The following IFT140 variants were observed in gnomAD, a reference collection of about 807,000 sequenced individuals.
IFT140 encodes the protein intraflagellar transport 140.
In IFT140, 133 loss-of-function variants were observed where a neutral mutation model predicts 164.6. That is an observed-to-expected ratio of 0.81 (90% CI 0.70 to 0.93). The LOEUF is 0.93. IFT140 is among the 40% of genes least tolerant of loss of function. IFT140 has a pLI of 0.00. For missense variants in IFT140, 2,045 were observed against 1,972.3 expected, an observed-to-expected ratio of 1.04 and a Z score of -0.70; for synonymous variants, 860 against 817.3, an observed-to-expected ratio of 1.05 and a Z score of -0.89.
At chr16:1,606,805 T>C (rs777824630) in intron 3 of IFT140, among the ~76,000 whole-genome samples, 8 of 151,880 alleles carry the variant, frequency 5.3e-5, no homozygotes, top group Non-Finnish European at 8.8e-5. Context: ...TAGAGTTCGT[T>C]TGAAAATACA....
chr16:1,519,518 C>T (rs576402466), intron 29 of IFT140, among the ~76,000 whole-genome samples: 70 of 152,202 alleles, frequency 4.6e-4, no homozygotes, highest in African/African-American at 1.7e-3. Flanking sequence ...TCACCATGGT[C>T]CCCCAACCCC....
chr16:1,576,012 G>A (rs991233980), intron 13 of IFT140, among the ~76,000 whole-genome samples: 6 of 152,240 alleles, frequency 3.9e-5, no homozygotes, highest in East Asian at 1.9e-4. Flanking sequence ...AAGGCCAGGC[G>A]CAGTGGCTCA....
Position 1,564,138 on chromosome 16 carries a change from TCC to T in IFT140, c.1924_1925del (p.Gly642ThrfsTer15). 6.3e-7 allele frequency: 1 copy of T among 1,583,428 alleles called. No individual in the cohort carries two copies. The highest frequency in any genetic ancestry group is 2.3e-5 in the East Asian group (1 of 43,618). Reference sequence around the variant, plus strand: ...GGTTCACGGGAACATAATTTTTCAGTCCCTCATCCACAAAGAGGTGGCTCCTA... The same window carrying T: ...GGTTCACGGGAACATAATTTTTCAGTCTCATCCACAAAGAGGTGGCTCCTA... ...TNKSHLFVDEGLKNYVPVNHF... is the reference protein window; with the variant it reads ...TNKSHLFVDEXLKNYVPVNHF... On this transcript the variant is annotated frameshift_variant, in exon 17 of 31. Coordinates refer to ENST00000426508, the MANE Select transcript of IFT140 (RefSeq NM_014714.4). LOFTEE classifies it high-confidence loss of function. This position sits in a 1 kb window ranked among gnomAD's most constrained non-coding sequence, Gnocchi z 5.5.
chr16:1,608,926 C>T (rs539138794), intron 2 of IFT140, among the ~76,000 whole-genome samples: 10 of 151,994 alleles, frequency 6.6e-5, no homozygotes, highest in South Asian at 4.2e-4. Context: ...GAGGCCGAGG[C>T]GGGTGGATCA....
rs2040642839 is a variant in IFT140, at chr16:1,525,031, G to A, written c.2865-115C>T. On this transcript the variant is annotated intron_variant, in intron 22 of 30. Transcript: ENST00000426508. Reference sequence around the variant, plus strand: ...TGCATGTCACCTGACCTGCAAACAGGCTGGGCCAAGAGTGAGGACCCCTGG... The same window carrying A: ...TGCATGTCACCTGACCTGCAAACAGACTGGGCCAAGAGTGAGGACCCCTGG... 2.1e-6 allele frequency: 3 copies of A among 1,432,634 alleles called. No individual in the cohort carries two copies. The African/African-American group carries it at 4.2e-5, about 20-fold the overall frequency. 88.7% of individuals were successfully genotyped at this position (1,432,634 alleles called of 1,614,324 possible). A position where few individuals can be genotyped will look rare whatever the true frequency, so the allele number is the denominator to read the frequency against.
At position 1,583,447 on chromosome 16, in the gene IFT140, C is replaced by T. The variant is rs956371683; in HGVS notation, c.1360-61G>A. On this transcript the variant is annotated intron_variant, in intron 11 of 30. Coordinates refer to ENST00000426508, the MANE Select transcript of IFT140 (RefSeq NM_014714.4). ...GGAAAAGTGAGGTGCAACTGTACAC[C>T]CCACTGCACACCTCGAAAGCCTCCT... The T allele has an allele frequency of 3.6e-5, 50 of 1,374,084 alleles. No individual in the cohort carries two copies. The East Asian group carries it at 1.1e-3, about 31-fold the overall frequency. 85.1% of individuals were successfully genotyped at this position (1,374,084 alleles called of 1,614,324 possible). A position where few individuals can be genotyped will look rare whatever the true frequency, so the allele number is the denominator to read the frequency against.
At chr16:1,610,993 C>A (rs1323076057) in intron 1 of IFT140, 140 bp from the exon 2 acceptor site, 3 of 152,438 alleles carry the variant, frequency 2.0e-5, no homozygotes, top group East Asian at 1.9e-4. Context: ...GTGTTCCCTT[C>A]CCGTGCATCC....
At chr16:1,530,758 G>A (rs941050701) in intron 19 of IFT140, 3 of 152,346 alleles carry the variant, frequency 2.0e-5, no homozygotes, top group African/African-American at 7.2e-5. Context: ...GCCGGCCCTG[G>A]TTTTGCTCTG....
chr16:1,557,635 T>C, intron 19 of IFT140: 1 of 337,734 alleles, frequency 3.0e-6, no homozygotes, highest in Non-Finnish European at 5.4e-6. Flanking sequence ...CAAACTTCTG[T>C]TTAGGAGCAA....
At position 1,510,765 on chromosome 16, in the gene IFT140, G is replaced by C; in HGVS notation, c.*179C>G. 3.2e-6 allele frequency: 2 copies of C among 630,768 alleles called. No homozygotes were observed. The highest frequency in any genetic ancestry group is 3.7e-5 in the South Asian group (2 of 53,374). The allele number at this position is 630,768 out of a possible 1,614,324, so 39.1% of individuals were successfully genotyped here. A position where few individuals can be genotyped will look rare whatever the true frequency, so the allele number is the denominator to read the frequency against. Reference sequence around the variant, plus strand: ...CCCAGAGGCAGGTGGGACAGAGCAAGGTGCAGACGGGTCACACCCTCCGCC... The same window carrying C: ...CCCAGAGGCAGGTGGGACAGAGCAACGTGCAGACGGGTCACACCCTCCGCC... On this transcript the variant is annotated 3_prime_UTR_variant, in exon 31 of 31. Coordinates refer to ENST00000426508, the MANE Select transcript of IFT140 (RefSeq NM_014714.4).
chr16:1,607,685 C>G (rs978304670), intron 2 of IFT140, among the ~76,000 whole-genome samples: 2 of 152,196 alleles, frequency 1.3e-5, no homozygotes, highest in Non-Finnish European at 2.9e-5. Context: ...GCTCTGTCAC[C>G]CAGGCTGGAG....
chr16:1,578,264 C>G (rs1028866070), intron 13 of IFT140: 1 of 152,068 alleles, frequency 6.6e-6, no homozygotes, highest in African/African-American at 2.4e-5. Context: ...AATTGACAAT[C>G]CATGATGGGA....
chr16:1,566,094 G>C lies in IFT140; in HGVS notation c.1901+67C>G, dbSNP rs888661145. On this transcript the variant is annotated intron_variant, in intron 16 of 30. Coordinates refer to ENST00000426508, the MANE Select transcript of IFT140 (RefSeq NM_014714.4). ...AGGCGCGTTAACTTAGCAACAACCC[G>C]CCCAGAAGCCGAGAAGTAACTGAAC... 3.9e-6 allele frequency: 6 copies of C among 1,550,400 alleles called. No individual in the cohort carries two copies. The East Asian group carries it at 1.4e-4, about 35-fold the overall frequency.
chr16:1,548,719 C>G lies in IFT140; in HGVS notation c.2399+9216G>C, dbSNP rs145629086. 9.7e-4 allele frequency among the ~76,000 whole-genome samples: 148 copies of G among 152,302 alleles called. No homozygotes were observed. In the Middle Eastern group the frequency reaches 0.01, roughly 11 times the overall value. On this transcript the variant is annotated intron_variant, in intron 19 of 30. Coordinates refer to ENST00000426508, the MANE Select transcript of IFT140 (RefSeq NM_014714.4). ...TCCTTCCACCCCTTCCCATCTCCCC[C>G]ACGTAGGGAAGGTGGGAAGGACAGA...
chr16:1,576,354 G>C (rs1461941651), intron 13 of IFT140, among the ~76,000 whole-genome samples: 1 of 151,420 alleles, frequency 6.6e-6, no homozygotes, highest in Non-Finnish European at 1.5e-5. Context: ...CACTTTGGGA[G>C]GCCGAGGCGG....
rs2034979995 is a variant in IFT140, at chr16:1,587,994, C to A, written c.841G>T (p.Ala281Ser). 8 of 1,613,850 alleles carry A rather than the reference C, an allele frequency of 5.0e-6. No homozygotes were observed. In the East Asian group the frequency reaches 1.8e-4, roughly 36 times the overall value. Residue 281 changes from alanine to serine, a missense_variant, in exon 8 of 31, where the codon GCA (alanine) becomes TCA (serine). Coordinates refer to ENST00000426508, the MANE Select transcript of IFT140 (RefSeq NM_014714.4). Reference sequence around the variant, plus strand: ...CTGCCTTCAATCAAAGCGATGTCTGCCCGGCGGCCGGTTTTCCCGCTCAGC... The same window carrying A: ...CTGCCTTCAATCAAAGCGATGTCTGACCGGCGGCCGGTTTTCCCGCTCAGC... ...VKLSGKTGRRADIALIEGSLL... is the reference protein window; with the variant it reads ...VKLSGKTGRRSDIALIEGSLL...
intron 17 of IFT140, among the ~76,000 whole-genome samples, chr16:1,562,385 T>A (rs942734370): frequency 3.3e-5 from 5 of 152,174 alleles, no homozygotes; most frequent in Admixed American, 2.6e-4. Flanking sequence ...CAGCAAAGGC[T>A]CATCATTCCC....
intron 15 of IFT140, among the ~76,000 whole-genome samples, chr16:1,566,773 T>C (rs1200309463): frequency 2.0e-5 from 3 of 152,002 alleles, no homozygotes; most frequent in African/African-American, 4.8e-5. Context: ...CTCTTTTGGG[T>C]CTTCCCGTCA....
chr16:1,584,103 G>A, intron 11 of IFT140, 114 bp downstream of exon 11: 1 of 756,378 alleles, frequency 1.3e-6, no homozygotes, highest in East Asian at 2.7e-5. Context: ...GAGAATCTAG[G>A]ATGGAACTGA....
Sources: allele counts gnomAD v4.1 joint callset (sites outside exome capture counted in the v4.1 genomes callset), GRCh38; gene constraint gnomAD v4.1.1; non-coding constraint Gnocchi (gnomAD v3.1); transcripts MANE v1.5; gene names NCBI Gene and HGNC (gene_info 2026-07-23, HGNC 2026-07-21).